The following NOP2 variants were observed in gnomAD, a reference collection of about 807,000 sequenced individuals.
NOP2 encodes 28S rRNA (cytosine(4447)-C(5))-methyltransferase.
A neutral mutation model predicts 72.7 loss-of-function variants in NOP2; 7 were observed. The observed-to-expected ratio is 0.10, with a 90% CI of 0.05 to 0.18. The LOEUF is 0.18. Ranked by LOEUF, NOP2 falls within the 10% of genes least tolerant of loss-of-function variation. The pLI, the probability that NOP2 is intolerant of heterozygous loss-of-function variation, is 1.00. For missense variants in NOP2, 954 were observed against 1,014.7 expected (o/e 0.94, Z 0.81); for synonymous variants, 387 against 388.0 (o/e 1.00, Z 0.03).
chr12:6,560,844 T>G lies in NOP2; in HGVS notation c.1348-57A>C. 3.1e-6 allele frequency: 5 copies of G among 1,608,730 alleles called. No homozygotes were observed. The Admixed American group carries it at 8.5e-5, about 27-fold the overall frequency. ...TCTTCTGCAACCAGCAGGGCAATAT[T>G]TACTAGGGTCGAGTCTAAACATTGA... On this transcript the variant is annotated intron_variant, in intron 12 of 15. Coordinates refer to ENST00000322166, the MANE Select transcript of NOP2 (RefSeq NM_001258308.2). This position sits in a 1 kb window ranked among gnomAD's most constrained non-coding sequence, Gnocchi z 5.0.
intron 3 of NOP2, 73 bp downstream of exon 3, chr12:6,566,704 T>C (rs78187632): frequency 0.038 from 60,867 of 1,588,360 alleles, 1,396 homozygotes; most frequent in Middle Eastern, 0.077. Context: ...AATGTGAGAG[T>C]CTAGAATTAA....
intron 3 of NOP2, 23 bp downstream of exon 3, chr12:6,566,754 T>G: frequency 6.2e-7 from 1 of 1,611,946 alleles, no homozygotes; most frequent in Non-Finnish European, 8.5e-7. Flanking sequence ...TTAACCTACT[T>G]AAGTTTTGAC....
chr12:6,560,984 G>A lies in NOP2; in HGVS notation c.1294C>T (p.Leu432=). The A allele has an allele frequency of 6.2e-7, 1 of 1,613,966 alleles. No homozygotes were observed. ...CTGATAATGGTGTTGGTGACTCCCA[G>A]CCGATGCAAGTTGCCCACAACACTC... ...LKSVVGNLHR[L]GVTNTIISHY... The change falls in exon 12 of 16, where the codon CTG becomes TTG. Residue 432 remains leucine, a synonymous_variant. Coordinates refer to ENST00000322166, the MANE Select transcript of NOP2 (RefSeq NM_001258308.2). This position sits in a 1 kb window ranked among gnomAD's most constrained non-coding sequence, Gnocchi z 5.0.
chr12:6,566,017 C>A, intron 5 of NOP2, 84 bp downstream of exon 5: 1 of 1,172,188 alleles, frequency 8.5e-7, no homozygotes, highest in Non-Finnish European at 1.2e-6. Context: ...CTTATCCTTG[C>A]CACTAAGAAA....
At position 6,567,940 on chromosome 12, in the gene NOP2, G is replaced by A. The variant is rs1214693498; in HGVS notation, c.-4-18C>T. 2 of 1,592,688 alleles carry A rather than the reference G, an allele frequency of 1.3e-6. No individual in the cohort carries two copies. The highest frequency in any genetic ancestry group is 3.4e-5 in the Admixed American group (2 of 59,090). On this transcript the variant is annotated intron_variant, in intron 1 of 15. Coordinates refer to ENST00000322166, the MANE Select transcript of NOP2 (RefSeq NM_001258308.2). ...CCATGGTACTGTGGCAGGCAGAAAT[G>A]GGAGAAGGTGGCGTCGCGCGTGTCG... is the stretch of plus-strand genomic sequence containing the variant.
Position 6,563,949 on chromosome 12 carries a change from GAAGA to G in NOP2, c.475-7_475-4del. Reference sequence around the variant, plus strand: ...GCAGCTCTTTCAATGGGCAGCAACTGAAGAGAGACAAGGGCTATTAATACAGGCC... The same window carrying G: ...GCAGCTCTTTCAATGGGCAGCAACTGGAGACAAGGGCTATTAATACAGGCC... On this transcript the variant is annotated splice_polypyrimidine_tract_variant and splice_region_variant and intron_variant, in intron 5 of 15. Coordinates refer to ENST00000322166, the MANE Select transcript of NOP2 (RefSeq NM_001258308.2). 1 of 1,613,074 alleles carries G rather than the reference GAAGA, an allele frequency of 6.2e-7. No individual in the cohort carries two copies.
intron 15 of NOP2, among the ~76,000 whole-genome samples, 160 bp downstream of exon 15, chr12:6,559,938 A>G (rs1313242496): frequency 6.6e-6 from 1 of 152,242 alleles, no homozygotes; most frequent in African/African-American, 2.4e-5. Context: ...ACTCAAAAGC[A>G]ATTCTAGCTG....
rs761518288 is a variant in NOP2 at position 6,560,074 on chromosome 12, G to A, written c.1789+24C>T. On this transcript the variant is annotated intron_variant, in intron 15 of 15. Transcript: ENST00000322166. The surrounding 1 kb of genome is among the most constrained non-coding windows in gnomAD (Gnocchi z 5.0). The stretch of plus-strand genomic sequence containing the variant: ...AGGTGGAAAGAGCAAAGGTGGTGAC[G>A]AAGGGAAGAAAAAGATTACTTACCT... 93 of 1,550,470 alleles carry A rather than the reference G, an allele frequency of 6.0e-5. No homozygotes were observed. The highest frequency in any genetic ancestry group is 7.5e-5 in the Non-Finnish European group (84 of 1,122,444).
At position 6,563,700 on chromosome 12, in the gene NOP2, G is replaced by T. The variant is rs763324152; in HGVS notation, c.602C>A (p.Pro201Gln). The change falls in exon 7 of 16, where the codon CCA becomes CAA. Residue 201 changes from proline (P) to glutamine (Q), a missense_variant. Physicochemically the swap from Pro to Gln is moderately conservative, Grantham distance 76. This residue lies in a region of NOP2 where 498 missense variants were observed against 478.3 expected (regional missense o/e 1.04). Coordinates refer to ENST00000322166, the MANE Select transcript of NOP2 (RefSeq NM_001258308.2). ...EKEVTPESGPPKVEEADGGLQ... is the reference protein window; with the variant it reads ...EKEVTPESGPQKVEEADGGLQ... ...GCCCCCATCTGCCTCTTCCACCTTT[G>T]GGGGGCCTGACTCAGGGGTCACTTC... 2.3e-5 allele frequency: 37 copies of T among 1,613,424 alleles called. No homozygotes were observed. The Admixed American group carries it at 6.0e-4, about 26-fold the overall frequency.
In NOP2 at chr12:6,563,687, C is replaced by G; in HGVS notation, c.615G>C (p.Glu205Asp). The G allele has an allele frequency of 6.2e-7, 1 of 1,613,766 alleles. No homozygotes were observed. The highest frequency in any genetic ancestry group is 8.5e-7 in the Non-Finnish European group (1 of 1,179,780). The change falls in exon 7 of 16, where the codon GAG becomes GAC. Residue 205 changes from glutamate to aspartate, a missense_variant. Around this residue, in one of 3 missense-constraint regions of NOP2, gnomAD observed 498 missense variants for 478.3 expected, o/e 1.04. Coordinates refer to ENST00000322166, the MANE Select transcript of NOP2 (RefSeq NM_001258308.2). ...TPESGPPKVEEADGGLQINVD... is the reference protein window; with the variant it reads ...TPESGPPKVEDADGGLQINVD... ...CATTGATCTGCAGGCCCCCATCTGC[C>G]TCTTCCACCTTTGGGGGGCCTGACT... is the stretch of plus-strand genomic sequence containing the variant.
chr12:6,557,679 G>A, intron 15 of NOP2, 37 bp from the exon 16 acceptor site: 1 of 1,548,210 alleles, frequency 6.5e-7, no homozygotes, highest in Non-Finnish European at 8.7e-7. Flanking sequence ...TCAGAAAATG[G>A]GCCTTATCAC....
intron 9 of NOP2, among the ~76,000 whole-genome samples, chr12:6,562,282 C>T (rs948825438): frequency 1.3e-5 from 2 of 152,108 alleles, no homozygotes; most frequent in South Asian, 2.1e-4. Flanking sequence ...TGAGTCACCG[C>T]GCCCGGTAGG....
chr12:6,567,402 C>T (rs1231718327), intron 2 of NOP2: 2 of 214,246 alleles, frequency 9.3e-6, no homozygotes, highest in African/African-American at 2.4e-5. Context: ...TACTACTACT[C>T]GGCATGAAGC....
rs548059341 is a variant in NOP2, at chr12:6,560,424, C to T, written c.1560+23G>A. The T allele has an allele frequency of 9.4e-5, 149 of 1,592,842 alleles. No individual in the cohort carries two copies. The East Asian group carries it at 2.8e-3, about 30-fold the overall frequency. On this transcript the variant is annotated intron_variant, in intron 14 of 15. Transcript: ENST00000322166. The surrounding 1 kb of genome is among the most constrained non-coding windows in gnomAD (Gnocchi z 5.0). ...GAGCCCCCCAGCCCAGCCTCCCCTG[C>T]TCTGCCATGGCAGAGGTCTCACTGT...
In NOP2 at chr12:6,563,876, G is replaced by A; in HGVS notation, c.530+15C>T. Reference sequence around the variant, plus strand: ...TGGCTTCCTATGCTCCATCCCAATAGCTTCCAAAACTCACCCAGCAGCAGC... The same window carrying A: ...TGGCTTCCTATGCTCCATCCCAATAACTTCCAAAACTCACCCAGCAGCAGC... On this transcript the variant is annotated intron_variant, in intron 6 of 15. Coordinates refer to ENST00000322166, the MANE Select transcript of NOP2 (RefSeq NM_001258308.2). 1 of 1,613,772 alleles carries A rather than the reference G, an allele frequency of 6.2e-7. No individual in the cohort carries two copies. The highest frequency in any genetic ancestry group is 8.5e-7 in the Non-Finnish European group (1 of 1,179,814).
intron 1 of NOP2, 81 bp downstream of exon 1, chr12:6,568,126 C>T: frequency 1.7e-6 from 1 of 584,742 alleles, no homozygotes; most frequent in East Asian, 2.9e-5. Flanking sequence ...CACCTGAAAC[C>T]CAGGTAGCGC....
At chr12:6,563,540 T>C (rs1478944373) in intron 7 of NOP2, 26 bp from the exon 8 acceptor site, 4 of 1,612,092 alleles carry the variant, frequency 2.5e-6, no homozygotes, top group African/African-American at 1.3e-5. Flanking sequence ...AACTGTGTCA[T>C]GATGTCCTAA....
chr12:6,559,292 A>G (rs970512980), intron 15 of NOP2, among the ~76,000 whole-genome samples: 2 of 152,078 alleles, frequency 1.3e-5, no homozygotes, highest in East Asian at 3.9e-4. Flanking sequence ...CTAATTTTTT[A>G]TATTTTTAGT....
intron 2 of NOP2, among the ~76,000 whole-genome samples, chr12:6,567,169 C>T (rs1239881696): frequency 2.0e-5 from 3 of 152,062 alleles, no homozygotes; most frequent in African/African-American, 7.2e-5. Flanking sequence ...AGGCTGGTCT[C>T]GAACACTGGA....
Sources: allele counts gnomAD v4.1 joint callset (sites outside exome capture counted in the v4.1 genomes callset), GRCh38; gene constraint gnomAD v4.1.1; regional missense constraint gnomAD v4.1.1; non-coding constraint Gnocchi (gnomAD v3.1); transcripts MANE v1.5; gene names NCBI Gene and HGNC (gene_info 2026-07-23, HGNC 2026-07-21).